The following ZNF827 variants were observed in gnomAD, a reference collection of about 807,000 sequenced individuals.
ZNF827 encodes zinc finger protein 827.
ZNF827 carries 13 observed loss-of-function variants against 102.4 expected under a neutral mutation model. The ratio of observed to expected loss-of-function variants is 0.13; its 90% confidence interval spans 0.08 to 0.20. The LOEUF is 0.20. ZNF827 is among the 10% of genes least tolerant of loss of function. The pLI is 1.00. For synonymous variants in ZNF827, 523 were observed against 536.2 expected, an observed-to-expected ratio of 0.98 and a Z score of 0.34; for missense variants, 1,103 against 1,344.4, an observed-to-expected ratio of 0.82 and a Z score of 2.81.
intron 3 of ZNF827, among the ~76,000 whole-genome samples, chr4:145,890,018 G>T (rs968503572): frequency 1.3e-5 from 2 of 151,458 alleles, no homozygotes; most frequent in Middle Eastern, 6.8e-3. Flanking sequence ...GTCCATATTT[G>T]TAGTCTCTGG....
intron 8 of ZNF827, among the ~76,000 whole-genome samples, chr4:145,808,476 C>G (rs1041265091): frequency 1.3e-5 from 2 of 152,110 alleles, no homozygotes; most frequent in African/African-American, 4.8e-5. Flanking sequence ...TGACTCATTC[C>G]TAGATACTTA....
intron 9 of ZNF827, among the ~76,000 whole-genome samples, chr4:145,778,298 T>C (rs1179139503): frequency 1.3e-5 from 2 of 152,344 alleles, no homozygotes; most frequent in South Asian, 2.1e-4. Context: ...CACATCCGTC[T>C]AATTTTTGTA....
At chr4:145,801,414 C>T (rs1393924333) in intron 8 of ZNF827, among the ~76,000 whole-genome samples, 1 of 152,200 alleles carries the variant, frequency 6.6e-6, no homozygotes, top group Non-Finnish European at 1.5e-5. Context: ...TTGATATCCC[C>T]ATCAGACAGC....
At chr4:145,916,892 C>A (rs560749998) in intron 1 of ZNF827, among the ~76,000 whole-genome samples, 2 of 152,306 alleles carry the variant, frequency 1.3e-5, no homozygotes, top group East Asian at 3.9e-4. Flanking sequence ...CACAATTCGG[C>A]CAAGTTCTTT....
chr4:145,788,373 T>C (rs1003447572), intron 8 of ZNF827, among the ~76,000 whole-genome samples: 3 of 152,210 alleles, frequency 2.0e-5, no homozygotes, highest in South Asian at 2.1e-4. Context: ...TTGAGCACCA[T>C]AGGGACCTTC....
At position 145,870,333 on chromosome 4, in the gene ZNF827, G is replaced by A. The variant is rs186229674; in HGVS notation, c.1893C>T (p.Asp631=). The A allele has an allele frequency of 5.0e-5, 80 of 1,614,068 alleles. No homozygotes were observed. Among genetic ancestry groups the A allele is most frequent in the South Asian group, 7.7e-5 (7 of 91,068 alleles). The change falls in exon 5 of 15, where the codon GAC becomes GAT. Residue 631 remains aspartate, a synonymous_variant. Coordinates refer to ENST00000508784, the MANE Select transcript of ZNF827 (RefSeq NM_001306215.2). ...SEVSAPGVSE[D]ALKPQEGKGS... ...CCTTCCCTTCCTGGGGCTTTAGTGC[G>A]TCCTCAGAGACGCCTGGGGCTGACA...
At chr4:145,909,387 A>T (rs187422907) in intron 1 of ZNF827, among the ~76,000 whole-genome samples, 1 of 152,220 alleles carries the variant, frequency 6.6e-6, no homozygotes. Flanking sequence ...ATCAGATAGG[A>T]TGTCGAAAGC....
In ZNF827 at chr4:145,761,865, C is replaced by A. The variant is rs1383562210; in HGVS notation, c.*18-267G>T. Among the ~76,000 whole-genome samples, 1 of 152,186 alleles carries A rather than the reference C, an allele frequency of 6.6e-6. No homozygotes were observed. Among genetic ancestry groups the A allele is most frequent in the Non-Finnish European group, 1.5e-5 (1 of 68,034 alleles). On this transcript the variant is annotated intron_variant, in intron 14 of 14. Transcript: ENST00000508784. The surrounding 1 kb of genome is among the most constrained non-coding windows in gnomAD (Gnocchi z 6.8). The stretch of plus-strand genomic sequence containing the variant: ...CTTGGCCGATACAGGCAAGGCCAGC[C>A]CTCACCAAGGGGAGCAGAGAAAGTG...
At chr4:145,900,226 G>T (rs568134638) in intron 2 of ZNF827, among the ~76,000 whole-genome samples, 1 of 152,058 alleles carries the variant, frequency 6.6e-6, no homozygotes, top group Non-Finnish European at 1.5e-5. Flanking sequence ...CTACAGTCTG[G>T]GCTTCAGGAA....
intron 1 of ZNF827, among the ~76,000 whole-genome samples, chr4:145,916,391 G>A (rs1409433288): frequency 1.3e-5 from 2 of 152,124 alleles, no homozygotes; most frequent in African/African-American, 4.8e-5. Context: ...TGAGCCGTAC[G>A]GGAATGTGGG....
intron 2 of ZNF827, among the ~76,000 whole-genome samples, chr4:145,899,047 G>A (rs1481592416): frequency 1.3e-5 from 2 of 151,970 alleles, no homozygotes; most frequent in Non-Finnish European, 2.9e-5. Context: ...TGTTCTTGGG[G>A]GCGGTTATTA....
intron 8 of ZNF827, among the ~76,000 whole-genome samples, chr4:145,805,092 G>T (rs1335712823): frequency 6.6e-6 from 1 of 151,166 alleles, no homozygotes; most frequent in African/African-American, 2.4e-5. Flanking sequence ...TCCCTGACAC[G>T]TCTCTTTATA....
chr4:145,818,867 A>G (rs1024616441), intron 8 of ZNF827, among the ~76,000 whole-genome samples: 2 of 152,202 alleles, frequency 1.3e-5, no homozygotes, highest in African/African-American at 4.8e-5. Flanking sequence ...AGTATATGAC[A>G]CAGTATATTA....
intron 5 of ZNF827, among the ~76,000 whole-genome samples, chr4:145,866,233 T>C (rs1405115028): frequency 6.6e-6 from 1 of 152,232 alleles, no homozygotes; most frequent in Non-Finnish European, 1.5e-5. Flanking sequence ...TTCTGTTATT[T>C]ATAACCAAAG....
chr4:145,917,593 C>T (rs72956682), intron 1 of ZNF827, among the ~76,000 whole-genome samples: 1,630 of 145,208 alleles, frequency 0.011, 38 homozygotes, highest in African/African-American at 0.04. Flanking sequence ...CTTTGGGGAA[C>T]ACACTCAAAT....
intron 7 of ZNF827, among the ~76,000 whole-genome samples, chr4:145,843,721 G>A (rs768085153): frequency 6.6e-6 from 1 of 152,196 alleles, no homozygotes; most frequent in Non-Finnish European, 1.5e-5. Context: ...CGGAGTTTGC[G>A]TAAGTGTTGC....
intron 1 of ZNF827, among the ~76,000 whole-genome samples, chr4:145,915,202 C>G (rs1752582370): frequency 6.6e-6 from 1 of 152,142 alleles, no homozygotes; most frequent in African/African-American, 2.4e-5. Context: ...AATCTCAGCC[C>G]TTTGGGAGGC....
intron 2 of ZNF827, among the ~76,000 whole-genome samples, chr4:145,896,059 T>C (rs138656890): frequency 5.8e-4 from 89 of 152,304 alleles, no homozygotes; most frequent in Non-Finnish European, 1.2e-3. Flanking sequence ...AAACATATTC[T>C]CTTCATAGGC....
At chr4:145,797,562 C>T (rs1198322611) in intron 8 of ZNF827, among the ~76,000 whole-genome samples, 1 of 152,188 alleles carries the variant, frequency 6.6e-6, no homozygotes, top group Non-Finnish European at 1.5e-5. Flanking sequence ...GCTTGTTCAC[C>T]AAGAGAGGCT....
Sources: allele counts gnomAD v4.1 joint callset (sites outside exome capture counted in the v4.1 genomes callset), GRCh38; gene constraint gnomAD v4.1.1; non-coding constraint Gnocchi (gnomAD v3.1); transcripts MANE v1.5; gene names NCBI Gene and HGNC (gene_info 2026-07-23, HGNC 2026-07-21).